Variants in CD53 observed in about 807,000 individuals in gnomAD.
The protein encoded by CD53 is leukocyte surface antigen CD53.
A neutral mutation model predicts 27.3 loss-of-function variants in CD53; 20 were observed. The ratio of observed to expected loss-of-function variants is 0.73; its 90% confidence interval spans 0.52 to 1.07. The LOEUF is 1.07. Ranked by LOEUF, CD53 falls within the 50% of genes least tolerant of loss-of-function variation. The pLI is 0.00. For synonymous variants in CD53, 106 were observed against 105.3 expected (o/e 1.01, Z -0.04); for missense variants, 216 against 264.0 (o/e 0.82, Z 1.26).
intron 1 of CD53, among the ~76,000 whole-genome samples, chr1:110,878,535 A>C (rs1656216058): frequency 6.6e-6 from 1 of 152,156 alleles, no homozygotes; most frequent in South Asian, 2.1e-4. Flanking sequence ...TTTCTTCTTT[A>C]TACTTTTCTT....
chr1:110,895,598 G>A (rs184681416), intron 5 of CD53, among the ~76,000 whole-genome samples: 2 of 152,312 alleles, frequency 1.3e-5, no homozygotes, highest in East Asian at 1.9e-4. Flanking sequence ...ATGAAAGCAC[G>A]CTGGCTTAGT....
chr1:110,881,769 T>G (rs1281574943), intron 1 of CD53, among the ~76,000 whole-genome samples: 1 of 152,188 alleles, frequency 6.6e-6, no homozygotes, highest in Non-Finnish European at 1.5e-5. Context: ...CACCAACACT[T>G]GGTGTGGTCA....
chr1:110,886,134 T>G (rs1200398360), intron 1 of CD53, among the ~76,000 whole-genome samples: 2 of 152,192 alleles, frequency 1.3e-5, no homozygotes, highest in Non-Finnish European at 2.9e-5. Context: ...TATAGATTTT[T>G]AGTATGACAA....
At chr1:110,894,821 C>T in intron 4 of CD53, 139 bp from the exon 5 acceptor site, 2 of 669,872 alleles carry the variant, frequency 3.0e-6, no homozygotes, top group Non-Finnish European at 5.5e-6. Flanking sequence ...AGATAAACAC[C>T]CTCCCCTCAC....
chr1:110,894,414 G>C lies in CD53; in HGVS notation c.327+13G>C. The C allele has an allele frequency of 6.2e-7, 1 of 1,602,066 alleles. No homozygotes were observed. The highest frequency in any genetic ancestry group is 8.6e-7 in the Non-Finnish European group (1 of 1,169,020). On this transcript the variant is annotated intron_variant, in intron 4 of 7. Transcript: ENST00000271324. ...ATATGAACAGAAGGTAAGTTATAAA[G>C]ACAACAACTTATTGTCTTAATACTG... is the stretch of plus-strand genomic sequence containing the variant.
intron 1 of CD53, among the ~76,000 whole-genome samples, chr1:110,883,443 T>C (rs1004165443): frequency 2.0e-5 from 3 of 152,032 alleles, no homozygotes; most frequent in Non-Finnish European, 4.4e-5. Flanking sequence ...TATCGTTAGA[T>C]GCTTTTTACT....
intron 4 of CD53, 146 bp downstream of exon 4, chr1:110,894,547 T>G: frequency 1.6e-6 from 1 of 615,856 alleles, no homozygotes; most frequent in Non-Finnish European, 2.8e-6. Context: ...GTAATTGTAA[T>G]TGGGGGGAAA....
intron 7 of CD53, 65 bp downstream of exon 7, chr1:110,897,957 T>G (rs1287512503): frequency 1.2e-6 from 1 of 847,080 alleles, no homozygotes; most frequent in African/African-American, 1.7e-5. Context: ...GATTTCAGAA[T>G]AATACCAGGT....
intron 1 of CD53, among the ~76,000 whole-genome samples, chr1:110,880,855 G>A (rs1481137055): frequency 6.6e-6 from 1 of 152,138 alleles, no homozygotes; most frequent in Non-Finnish European, 1.5e-5. Flanking sequence ...ACTCCTTAGG[G>A]CAAGTGAGGG....
rs1282885431 is a variant in CD53 at position 110,892,424 on chromosome 1, C to T, written c.143C>T (p.Pro48Leu). ...NNFGVLFHNL[P>L]SLTLGNVFVI... is the part of the protein sequence containing the mutation. ...TTCGGAGTGCTCTTCCATAACCTCCCCTCCCTCACGCTGGGCAATGTGTTT... is the reference window on the plus strand; with the variant it reads ...TTCGGAGTGCTCTTCCATAACCTCCTCTCCCTCACGCTGGGCAATGTGTTT... The change falls in exon 3 of 8, where the codon CCC becomes CTC. Residue 48 changes from proline (P) to leucine (L), a missense_variant. Transcript: ENST00000271324. The T allele has an allele frequency of 6.2e-7, 1 of 1,613,856 alleles. No homozygotes were observed. Among genetic ancestry groups the T allele is most frequent in the South Asian group, 1.1e-5 (1 of 91,074 alleles).
In CD53 at chr1:110,882,880, T is replaced by C. The variant is rs192122295; in HGVS notation, c.-17-8512T>C. On this transcript the variant is annotated intron_variant, in intron 1 of 7. Coordinates refer to ENST00000271324, the MANE Select transcript of CD53 (RefSeq NM_000560.4). ...TTCTAATGGTTACTAGTGCATAGAA[T>C]GCTATTATTTTTTGTGGATTGAATC... 2.3e-3 allele frequency among the ~76,000 whole-genome samples: 347 copies of C among 152,184 alleles called. 1 individual carries two copies. Among genetic ancestry groups the C allele is most frequent in the South Asian group, 4.3e-3 (21 of 4,828 alleles).
intron 1 of CD53, among the ~76,000 whole-genome samples, chr1:110,876,620 AT>A (rs1446309302): frequency 1.3e-5 from 2 of 152,108 alleles, no homozygotes; most frequent in African/African-American, 4.8e-5. Context: ...CTTACCTTAT[AT>A]CAGGAGCAAA....
At chr1:110,898,188 T>C (rs1657147343) in intron 7 of CD53, among the ~76,000 whole-genome samples, 1 of 151,912 alleles carries the variant, frequency 6.6e-6, no homozygotes, top group Non-Finnish European at 1.5e-5. Context: ...CCATCCTGGC[T>C]AACATGGTGA....
intron 1 of CD53, among the ~76,000 whole-genome samples, chr1:110,885,177 T>A (rs550093328): frequency 1.8e-4 from 28 of 152,328 alleles, no homozygotes; most frequent in African/African-American, 5.3e-4. Flanking sequence ...ACACTATTAT[T>A]ATCATAAAGT....
In CD53 at chr1:110,894,989, C is replaced by A; in HGVS notation, c.357C>A (p.Thr119=). 1 of 1,613,912 alleles carries A rather than the reference C, an allele frequency of 6.2e-7. No individual in the cohort carries two copies. Among genetic ancestry groups the A allele is most frequent in the Non-Finnish European group, 8.5e-7 (1 of 1,179,910 alleles). ...ATGAGTATGTGGCTAAGGGTCTGAC[C>A]GACAGCATCCACCGTTACCACTCAG... is the stretch of plus-strand genomic sequence containing the variant. ...KLNEYVAKGL[T]DSIHRYHSDN... is the part of the protein sequence containing the mutation. The change falls in exon 5 of 8, where the codon ACC becomes ACA. Residue 119 remains threonine, a synonymous_variant. Transcript: ENST00000271324.
intron 6 of CD53, 24 bp from the exon 7 acceptor site, chr1:110,897,785 A>T (rs1379480012): frequency 2.8e-6 from 4 of 1,433,894 alleles, no homozygotes; most frequent in Non-Finnish European, 3.9e-6. Flanking sequence ...GAGTAGTATC[A>T]TTTGTAACTG....
chr1:110,881,562 T>C (rs1458941667), intron 1 of CD53, among the ~76,000 whole-genome samples: 2 of 152,250 alleles, frequency 1.3e-5, no homozygotes, highest in African/African-American at 4.8e-5. Flanking sequence ...TACAAAACTA[T>C]GAACCTTCCT....
rs745456121 is a variant in CD53, at chr1:110,891,523, T to C, written c.63+52T>C. The C allele has an allele frequency of 5.7e-5, 79 of 1,394,712 alleles. No homozygotes were observed. In the South Asian group the frequency reaches 9.0e-4, roughly 16 times the overall value. 86.4% of individuals were successfully genotyped at this position (1,394,712 alleles called of 1,614,324 possible). Reference sequence around the variant, plus strand: ...TTAGCTCACCTTTACCCAGCTAAGCTCTCCTCATTCCTCTACTGAAGAGGC... The same window carrying C: ...TTAGCTCACCTTTACCCAGCTAAGCCCTCCTCATTCCTCTACTGAAGAGGC... On this transcript the variant is annotated intron_variant, in intron 2 of 7. Transcript: ENST00000271324.
intron 1 of CD53, among the ~76,000 whole-genome samples, chr1:110,886,846 A>AATATATATAT (rs1553203678): frequency 3.0e-5 from 3 of 101,012 alleles, no homozygotes; most frequent in Non-Finnish European, 6.4e-5. Context: ...CTCTGTCTCC[A>AATATATATAT]ATATATATAT....
Sources: gnomAD v4.1 joint callset for allele counts (sites outside exome capture counted in the v4.1 genomes callset) on GRCh38, gnomAD v4.1.1 for gene constraint, MANE v1.5 for transcripts, NCBI Gene and HGNC (gene_info 2026-07-23, HGNC 2026-07-21) for gene names.